DNAH11: variants seen among roughly 807,000 people sequenced by gnomAD.
DNAH11 encodes the protein dynein axonemal heavy chain 11, also known as axonemal beta dynein heavy chain 11.
Under a neutral mutation model 526.0 loss-of-function variants are expected in DNAH11, and 442 were observed. That is an observed-to-expected ratio of 0.84 (90% confidence interval 0.78 to 0.91). The LOEUF (loss-of-function observed/expected upper bound fraction) is 0.91. Among genes scored for constraint, DNAH11 ranks in the 40% least tolerant of loss-of-function variants. The pLI, the probability that DNAH11 is intolerant of heterozygous loss-of-function variation, is 0.00. For missense variants in DNAH11, 6,989 were observed against 5,448.7 expected (o/e 1.28, Z -8.90); for synonymous variants, 2,461 against 1,935.9 (o/e 1.27, Z -7.12).
At chr7:21,807,735 A>T in intron 62 of DNAH11, 148 bp from the exon 63 acceptor site, 1 of 596,840 alleles carries the variant, frequency 1.7e-6, no homozygotes, top group Non-Finnish European at 2.7e-6. Context: ...ATGAAAGATT[A>T]TAACAGTCAC....
intron 8 of DNAH11, among the ~76,000 whole-genome samples, chr7:21,580,953 C>T (rs1451924379): frequency 6.6e-6 from 1 of 152,160 alleles, no homozygotes; most frequent in East Asian, 1.9e-4. Context: ...AATCATTTAA[C>T]TTCTCTGAGT....
intron 28 of DNAH11, among the ~76,000 whole-genome samples, chr7:21,642,759 T>C (rs1301630476): frequency 1.8e-4 from 28 of 152,150 alleles, no homozygotes; most frequent in Admixed American, 1.8e-3. Flanking sequence ...TGAGAGTTTC[T>C]GCAGTTAATT....
intron 36 of DNAH11, among the ~76,000 whole-genome samples, chr7:21,702,079 C>T (rs759744320): frequency 1.3e-5 from 2 of 152,052 alleles, no homozygotes; most frequent in Non-Finnish European, 2.9e-5. Context: ...TAATTGGTCC[C>T]AGGGAGCATG....
intron 13 of DNAH11, 38 bp from the exon 14 acceptor site, chr7:21,591,147 T>C (rs1784662556): frequency 6.6e-7 from 1 of 1,524,302 alleles, no homozygotes; most frequent in African/African-American, 1.4e-5. Flanking sequence ...ATAGCTAACA[T>C]ATTTGGCACT....
intron 28 of DNAH11, among the ~76,000 whole-genome samples, chr7:21,647,765 A>C (rs2128462806): frequency 6.6e-6 from 1 of 152,274 alleles, no homozygotes; most frequent in East Asian, 1.9e-4. Context: ...TACTGAAAGA[A>C]AAAAAACACC....
chr7:21,819,032 G>A (rs1311035019), intron 65 of DNAH11, among the ~76,000 whole-genome samples: 1 of 152,076 alleles, frequency 6.6e-6, no homozygotes, highest in Non-Finnish European at 1.5e-5. Flanking sequence ...TGTGTGAAAG[G>A]TCAGGTGCAG....
chr7:21,735,568 T>G (rs948725538), intron 45 of DNAH11, 72 bp from the exon 46 acceptor site: 1 of 1,330,790 alleles, frequency 7.5e-7, no homozygotes, highest in East Asian at 2.5e-5. Flanking sequence ...ATATAAAATT[T>G]TGGAATGCCT....
At chr7:21,899,042 C>T (rs1179567475) in intron 79 of DNAH11, among the ~76,000 whole-genome samples, 1 of 152,202 alleles carries the variant, frequency 6.6e-6, no homozygotes, top group African/African-American at 2.4e-5. Flanking sequence ...ATAGTCACCA[C>T]ATAGCATGAA....
At chr7:21,724,936 G>C (rs1245195805) in intron 44 of DNAH11, among the ~76,000 whole-genome samples, 1 of 151,310 alleles carries the variant, frequency 6.6e-6, no homozygotes, top group East Asian at 2.0e-4. Flanking sequence ...TCATCCTGTG[G>C]ACATGGGCAT....
At position 21,710,719 on chromosome 7, in the gene DNAH11, G is replaced by A. The variant is rs1189962651; in HGVS notation, c.6834+16G>A. 4 of 1,602,632 alleles carry A rather than the reference G, an allele frequency of 2.5e-6. No homozygotes were observed. The highest frequency in any genetic ancestry group is 3.4e-6 in the Non-Finnish European group (4 of 1,174,878). On this transcript the variant is annotated intron_variant, in intron 41 of 81. Transcript: ENST00000409508. ...TGATAACAAGGTGAATAAAACCTCTGTTCTCAACCTTAAATATAACATCCT... is the reference window on the plus strand; with the variant it reads ...TGATAACAAGGTGAATAAAACCTCTATTCTCAACCTTAAATATAACATCCT...
In DNAH11 at chr7:21,828,760, GTT is replaced by G. The variant is rs370526200; in HGVS notation, c.10691+10435_10691+10436del. Among the ~76,000 whole-genome samples, 583 of 131,732 alleles carry G rather than the reference GTT, an allele frequency of 4.4e-3. 3 individuals are homozygous for G. The highest frequency in any genetic ancestry group is 0.015 in the African/African-American group (544 of 36,068). 86.4% of individuals were successfully genotyped at this position (131,732 alleles called of 152,430 possible). Reference sequence around the variant, plus strand: ...TGACTTTTTTTTTTCATTTTTCTGGGTTTTTTTTTTTTTTTGCTGTACAATGT... The same window carrying G: ...TGACTTTTTTTTTTCATTTTTCTGGGTTTTTTTTTTTTTGCTGTACAATGT... On this transcript the variant is annotated intron_variant, in intron 65 of 81. Transcript: ENST00000409508.
chr7:21,726,025 A>G (rs1280942512), intron 45 of DNAH11, 41 bp downstream of exon 45: 4 of 1,466,156 alleles, frequency 2.7e-6, no homozygotes, highest in African/African-American at 2.9e-5. Flanking sequence ...GTCTGTTTTC[A>G]TATTGCTATA....
At position 21,866,608 on chromosome 7, in the gene DNAH11, C is replaced by T. The variant is rs780199383; in HGVS notation, c.11635C>T (p.Gln3879Ter). 6.2e-7 allele frequency: 1 copy of T among 1,613,730 alleles called. No individual in the cohort carries two copies. The highest frequency in any genetic ancestry group is 1.3e-5 in the African/African-American group (1 of 74,892). ...PQEWKKKSLI[Q>*]KLILLRAMRP... ...AGAATGGAAGAAGAAAAGTTTAATA[C>T]AGAAGCTGATTCTTCTGAGAGCAAT... Residue 3879 changes from glutamine to a stop codon, truncating the protein, a stop_gained, in exon 71 of 82, where the codon CAG becomes TAG. Coordinates refer to ENST00000409508, the MANE Select transcript of DNAH11 (RefSeq NM_001277115.2). LOFTEE classifies it high-confidence loss of function.
intron 50 of DNAH11, 41 bp downstream of exon 50, chr7:21,744,640 C>T: frequency 6.2e-7 from 1 of 1,603,360 alleles, no homozygotes; most frequent in Non-Finnish European, 8.5e-7. Context: ...TACTCCAACA[C>T]CAACTGGGTA....
At position 21,588,548 on chromosome 7, in the gene DNAH11, C is replaced by T. The variant is rs150966144; in HGVS notation, c.1885C>T (p.Pro629Ser). ...TCATGTAGTTCTTAACAAGAACATG[C>T]CATTTACCTCAGGAAATATGAAATG... Reference protein sequence around the residue: ...CGHVVLNKNMPFTSGNMKWAQ... With the variant: ...CGHVVLNKNMSFTSGNMKWAQ... Residue 629 changes from proline (P) to serine (S), a missense_variant, in exon 11 of 82, where the codon CCA becomes TCA. Transcript: ENST00000409508. 1,444 of 1,613,444 alleles carry T rather than the reference C, an allele frequency of 8.9e-4. 12 individuals are homozygous for T. The African/African-American group carries it at 0.016, about 18-fold the overall frequency.
In DNAH11 at chr7:21,868,035, G is replaced by A. The variant is rs375094455; in HGVS notation, c.11839+28G>A. Reference sequence around the variant, plus strand: ...GAGTGGCTGGGAGGCTCGCTGGCCCGCCCCTTCTCCCTCCCTCCCTTTCAC... The same window carrying A: ...GAGTGGCTGGGAGGCTCGCTGGCCCACCCCTTCTCCCTCCCTCCCTTTCAC... On this transcript the variant is annotated intron_variant, in intron 72 of 81. Coordinates refer to ENST00000409508, the MANE Select transcript of DNAH11 (RefSeq NM_001277115.2). 93 of 1,452,912 alleles carry A rather than the reference G, an allele frequency of 6.4e-5. No individual in the cohort carries two copies. In the Admixed American group the frequency reaches 1.3e-3, roughly 21 times the overall value. 90.0% of individuals were successfully genotyped at this position (1,452,912 alleles called of 1,614,324 possible).
intron 73 of DNAH11, among the ~76,000 whole-genome samples, chr7:21,869,472 G>A (rs185257029): frequency 1.7e-3 from 253 of 152,106 alleles, no homozygotes; most frequent in African/African-American, 5.6e-3. Context: ...AAGGGTGGGG[G>A]GAATGGAATT....
intron 28 of DNAH11, among the ~76,000 whole-genome samples, chr7:21,640,190 C>T (rs973601209): frequency 6.6e-5 from 10 of 152,142 alleles, no homozygotes; most frequent in Non-Finnish European, 1.5e-4. Flanking sequence ...CAAATAAAAT[C>T]TGTGATTAAA....
chr7:21,606,616 T>A, intron 19 of DNAH11, 31 bp from the exon 20 acceptor site: 2 of 309,204 alleles, frequency 6.5e-6, no homozygotes, highest in Non-Finnish European at 8.6e-6. Flanking sequence ...TGAAATTCAC[T>A]TTTTTTTTTT....
Sources: gnomAD v4.1 joint callset for allele counts (sites outside exome capture counted in the v4.1 genomes callset) on GRCh38, gnomAD v4.1.1 for gene constraint, MANE v1.5 for transcripts, NCBI Gene and HGNC (gene_info 2026-07-23, HGNC 2026-07-21) for gene names.